PDCD4: variants seen among roughly 807,000 people sequenced by gnomAD.
PDCD4 encodes programmed cell death protein 4.
Under a neutral mutation model 54.0 loss-of-function variants are expected in PDCD4, and 56 were observed. That is an observed-to-expected ratio of 1.04 (90% confidence interval 0.84 to 1.30). The LOEUF (loss-of-function observed/expected upper bound fraction) is 1.30. PDCD4 is among the 50% of genes most tolerant of loss of function. PDCD4 has a pLI of 0.00. For synonymous variants in PDCD4, 186 were observed against 194.8 expected, an observed-to-expected ratio of 0.95 and a Z score of 0.37; for missense variants, 584 against 559.8, an observed-to-expected ratio of 1.04 and a Z score of -0.44.
intron 5 of PDCD4, 60 bp downstream of exon 5, chr10:110,885,426 G>A (rs572102566): frequency 4.2e-6 from 3 of 712,836 alleles, no homozygotes; most frequent in East Asian, 5.4e-5. Flanking sequence ...TCTTTTATAA[G>A]CAAAATACAT....
At chr10:110,890,403 C>T (rs1418777396) in intron 7 of PDCD4, among the ~76,000 whole-genome samples, 153 bp from the exon 8 acceptor site, 4 of 152,010 alleles carry the variant, frequency 2.6e-5, no homozygotes, top group Admixed American at 1.3e-4. Context: ...TCTTTTTGCT[C>T]CTTTTTGTTT....
intron 2 of PDCD4, among the ~76,000 whole-genome samples, chr10:110,879,568 G>A (rs1382163099): frequency 6.6e-6 from 1 of 151,808 alleles, no homozygotes; most frequent in African/African-American, 2.4e-5. Flanking sequence ...CAGGAGAATG[G>A]CGTGAACCCG....
At chr10:110,884,717 G>A (rs1024098816) in intron 4 of PDCD4, 1 of 151,880 alleles carries the variant, frequency 6.6e-6, no homozygotes, top group Non-Finnish European at 1.5e-5. Context: ...TATTTGCTGT[G>A]GTTAATGATT....
intron 11 of PDCD4, among the ~76,000 whole-genome samples, chr10:110,897,781 T>A (rs562532298): frequency 5.3e-5 from 8 of 152,164 alleles, no homozygotes; most frequent in Admixed American, 4.6e-4. Context: ...CAACTTTTTT[T>A]AATGTGACTC....
chr10:110,894,285 C>CAGGA (rs1380066984), intron 9 of PDCD4, 87 bp downstream of exon 9: 1 of 920,334 alleles, frequency 1.1e-6, no homozygotes, highest in African/African-American at 1.7e-5. Flanking sequence ...AATGTACATC[C>CAGGA]TTTTTTTAAT....
At chr10:110,876,696 C>A in intron 2 of PDCD4, 3 of 1,263,832 alleles carry the variant, frequency 2.4e-6, no homozygotes, top group Non-Finnish European at 2.1e-6. Context: ...CTCCATGGTG[C>A]TTCAATAGCA....
chr10:110,884,174 G>A (rs543936136), intron 4 of PDCD4, among the ~76,000 whole-genome samples: 1 of 152,128 alleles, frequency 6.6e-6, no homozygotes, highest in South Asian at 2.1e-4. Context: ...ACCTCATCCT[G>A]CCCAGGATGT....
chr10:110,899,275 C>T lies in PDCD4; in HGVS notation c.*1187C>T, dbSNP rs1845912492. Reference sequence around the variant, plus strand: ...TGAGGGTACTGTTAGGAGTATACTGCTTACAGGTTTAGATATAGTCTGTTA... The same window carrying T: ...TGAGGGTACTGTTAGGAGTATACTGTTTACAGGTTTAGATATAGTCTGTTA... On this transcript the variant is annotated 3_prime_UTR_variant, in exon 12 of 12. Coordinates refer to ENST00000280154, the MANE Select transcript of PDCD4 (RefSeq NM_014456.5). 2.0e-5 allele frequency: 3 copies of T among 152,160 alleles called. No homozygotes were observed. 9.4% of individuals were successfully genotyped at this position (152,160 alleles called of 1,614,324 possible). A position where few individuals can be genotyped will look rare whatever the true frequency, so the allele number is the denominator to read the frequency against.
intron 2 of PDCD4, among the ~76,000 whole-genome samples, chr10:110,880,088 C>T (rs1026052938): frequency 2.6e-5 from 4 of 152,180 alleles, no homozygotes; most frequent in African/African-American, 4.8e-5. Context: ...GCCTTTCTGA[C>T]TTAAAGAGCT....
intron 6 of PDCD4, among the ~76,000 whole-genome samples, chr10:110,888,740 T>C (rs1178344400): frequency 6.6e-6 from 1 of 152,214 alleles, no homozygotes; most frequent in East Asian, 1.9e-4. Context: ...TATCTTTCCC[T>C]GTGGCCACAT....
intron 11 of PDCD4, among the ~76,000 whole-genome samples, chr10:110,897,009 A>G (rs1845845682): frequency 1.3e-5 from 2 of 152,186 alleles, no homozygotes; most frequent in Admixed American, 1.3e-4. Flanking sequence ...GTGCCAAGTG[A>G]TATACATCAG....
chr10:110,889,670 G>T (rs1343965282), intron 7 of PDCD4, 40 bp downstream of exon 7: 3 of 1,126,198 alleles, frequency 2.7e-6, no homozygotes, highest in Non-Finnish European at 4.0e-6. Flanking sequence ...TTCAAAATAG[G>T]GGAAAATTCT....
chr10:110,879,941 CATATT>C (rs1845566314), intron 2 of PDCD4, among the ~76,000 whole-genome samples: 1 of 152,200 alleles, frequency 6.6e-6, no homozygotes, highest in Non-Finnish European at 1.5e-5. Context: ...TGTCTTAAAA[CATATT>C]AAAGCCCATG....
At chr10:110,877,121 G>A (rs1471205428) in intron 2 of PDCD4, among the ~76,000 whole-genome samples, 1 of 152,162 alleles carries the variant, frequency 6.6e-6, no homozygotes, top group Admixed American at 6.5e-5. Flanking sequence ...GATCATTTCT[G>A]TGCTGCTGTA....
At chr10:110,879,478 A>G (rs985396272) in intron 2 of PDCD4, among the ~76,000 whole-genome samples, 1 of 152,094 alleles carries the variant, frequency 6.6e-6, no homozygotes, top group Non-Finnish European at 1.5e-5. Context: ...CATCCTGGCT[A>G]ACACGGTGAC....
intron 2 of PDCD4, among the ~76,000 whole-genome samples, chr10:110,877,986 C>T (rs1476359534): frequency 1.3e-5 from 2 of 152,056 alleles, no homozygotes; most frequent in African/African-American, 2.4e-5. Flanking sequence ...TCATTGGACA[C>T]CAGTAATTGA....
chr10:110,890,599 G>C lies in PDCD4; in HGVS notation c.919G>C (p.Gly307Arg), dbSNP rs139917275. 139 of 1,613,662 alleles carry C rather than the reference G, an allele frequency of 8.6e-5. No homozygotes were observed. In the East Asian group the frequency reaches 2.7e-3, roughly 32 times the overall value. The change falls in exon 8 of 12, where the codon GGT becomes CGT. Residue 307 changes from glycine to arginine, a missense_variant. Coordinates refer to ENST00000280154, the MANE Select transcript of PDCD4 (RefSeq NM_014456.5). ...TACCGTGCTTCTGAGTATGTCTAAA[G>C]GTGGAAAGCGTAAAGATAGTGTGTG... ...KATVLLSMSKGGKRKDSVWGS... is the reference protein window; with the variant it reads ...KATVLLSMSKRGKRKDSVWGS...
chr10:110,885,815 A>C (rs989411730), intron 5 of PDCD4, among the ~76,000 whole-genome samples: 2 of 151,406 alleles, frequency 1.3e-5, no homozygotes, highest in Non-Finnish European at 2.9e-5. Flanking sequence ...TACTTTGTCC[A>C]AAAAAAACCC....
intron 8 of PDCD4, among the ~76,000 whole-genome samples, chr10:110,893,271 C>T (rs1249633402): frequency 2.0e-5 from 3 of 151,302 alleles, no homozygotes; most frequent in African/African-American, 7.3e-5. Context: ...AATATTATAT[C>T]CTAAAGCATG....
Sources: allele counts gnomAD v4.1 joint callset (sites outside exome capture counted in the v4.1 genomes callset), GRCh38; gene constraint gnomAD v4.1.1; transcripts MANE v1.5; gene names NCBI Gene and HGNC (gene_info 2026-07-23, HGNC 2026-07-21).